MIB1: variants seen among roughly 807,000 people sequenced by gnomAD.
MIB1 encodes the protein MIB E3 ubiquitin protein ligase 1.
In MIB1, 278 loss-of-function variants were observed where a neutral mutation model predicts 124.5. The observed-to-expected ratio is 2.23, with a 90% CI of 2.02 to 2.47. The LOEUF (loss-of-function observed/expected upper bound fraction) is 2.47. MIB1 is among the 30% of genes most tolerant of loss of function. The pLI, the probability that MIB1 is intolerant of heterozygous loss-of-function variation, is 0.00. For missense variants in MIB1, 957 were observed against 1,254.4 expected (o/e 0.76, Z 3.58); for synonymous variants, 446 against 429.4 (o/e 1.04, Z -0.48).
chr18:21,766,416 A>C (rs994134800), intron 2 of MIB1, among the ~76,000 whole-genome samples: 10 of 152,218 alleles, frequency 6.6e-5, no homozygotes, highest in Admixed American at 6.5e-4. Flanking sequence ...GGAAATAATG[A>C]GTCAGTGATT....
At chr18:21,733,114 C>G (rs1056261012) in intron 1 of MIB1, among the ~76,000 whole-genome samples, 1 of 152,128 alleles carries the variant, frequency 6.6e-6, no homozygotes, top group African/African-American at 2.4e-5. Context: ...TGTTCCATCT[C>G]TTTTTGCAGT....
intron 20 of MIB1, among the ~76,000 whole-genome samples, chr18:21,861,102 G>T (rs747384011): frequency 6.6e-5 from 10 of 152,046 alleles, no homozygotes; most frequent in Non-Finnish European, 1.5e-4. Context: ...ACCCCCATCT[G>T]AAGAGATGAA....
intron 12 of MIB1, among the ~76,000 whole-genome samples, chr18:21,836,319 GCTGGAGTGCAGTGGCTCGAT>G (rs2042031942): frequency 6.7e-6 from 1 of 150,176 alleles, no homozygotes; most frequent in Non-Finnish European, 1.5e-5. Flanking sequence ...AGTCGCCTGG[GCTGGAGTGCAGTGGCTCGAT>G]CTCCACTCAC....
rs1308781293 is a variant in MIB1 at position 21,864,581 on chromosome 18, A to G, written c.2936A>G (p.His979Arg). The change falls in exon 21 of 21, where the codon CAC becomes CGC. Residue 979 changes from histidine (H) to arginine (R), a missense_variant. His to Arg is a conservative substitution (Grantham distance 29, BLOSUM62 0). Coordinates refer to ENST00000261537, the MANE Select transcript of MIB1 (RefSeq NM_020774.4). Reference protein sequence around the residue: ...RLKNMIFLCGHGTCQLCGDRM... With the variant: ...RLKNMIFLCGRGTCQLCGDRM... ...AAGAATATGATTTTCCTTTGTGGTCACGGAACCTGTCAACTCTGTGGAGAC... is the reference window on the plus strand; with the variant it reads ...AAGAATATGATTTTCCTTTGTGGTCGCGGAACCTGTCAACTCTGTGGAGAC... 3 of 1,613,698 alleles carry G rather than the reference A, an allele frequency of 1.9e-6. No individual in the cohort carries two copies. Among genetic ancestry groups the G allele is most frequent in the Non-Finnish European group, 1.7e-6 (2 of 1,179,718 alleles).
intron 1 of MIB1, among the ~76,000 whole-genome samples, chr18:21,726,630 G>C (rs568399790): frequency 6.6e-6 from 1 of 152,160 alleles, no homozygotes; most frequent in Non-Finnish European, 1.5e-5. Flanking sequence ...CTGGCTCTAA[G>C]ACTTGCCTAT....
chr18:21,769,807 T>G (rs542973584), intron 3 of MIB1, among the ~76,000 whole-genome samples: 14 of 152,328 alleles, frequency 9.2e-5, no homozygotes, highest in South Asian at 2.1e-4. Context: ...CCTGGTTTTT[T>G]CTGTATTGGC....
intron 10 of MIB1, among the ~76,000 whole-genome samples, chr18:21,810,099 A>G (rs1715852884): frequency 1.3e-5 from 2 of 152,128 alleles, no homozygotes; most frequent in South Asian, 2.1e-4. Flanking sequence ...TAATTGAACA[A>G]TCTGTTAACA....
intron 1 of MIB1, chr18:21,724,363 A>G (rs987854002): frequency 6.6e-6 from 1 of 152,124 alleles, no homozygotes. Context: ...GAAAATCATA[A>G]CATATACATT....
At position 21,715,959 on chromosome 18, in the gene MIB1, A is replaced by G. The variant is rs140496568; in HGVS notation, n.167+10836A>G. Among the ~76,000 whole-genome samples, 1,006 of 152,338 alleles carry G rather than the reference A, an allele frequency of 6.6e-3. 10 individuals are homozygous for G. Among genetic ancestry groups the G allele is most frequent in the African/African-American group, 0.021 (873 of 41,568 alleles). On this transcript the variant is annotated intron_variant and non_coding_transcript_variant, in intron 1 of 20. Coordinates refer to the MIB1 transcript ENST00000578646. ...CATATTTGGGGGAATAATCAAGGAAAACTTCCCTGGCCTTGTTAGTGACCT... is the reference window on the plus strand; with the variant it reads ...CATATTTGGGGGAATAATCAAGGAAGACTTCCCTGGCCTTGTTAGTGACCT...
chr18:21,767,121 A>G (rs2041170563), intron 2 of MIB1, among the ~76,000 whole-genome samples: 1 of 152,168 alleles, frequency 6.6e-6, no homozygotes, highest in African/African-American at 2.4e-5. Flanking sequence ...CCACAGATGT[A>G]TTTTACCGAT....
At chr18:21,847,840 G>A (rs1177320286) in intron 16 of MIB1, among the ~76,000 whole-genome samples, 1 of 152,192 alleles carries the variant, frequency 6.6e-6, no homozygotes, top group Non-Finnish European at 1.5e-5. Context: ...AGATATGTCA[G>A]TGATTTTAAT....
chr18:21,768,542 A>G (rs1470797811), intron 2 of MIB1, 81 bp from the exon 3 acceptor site: 10 of 1,034,246 alleles, frequency 9.7e-6, no homozygotes, highest in African/African-American at 1.6e-5. Flanking sequence ...TCAAAATAAC[A>G]TTTTTATAAT....
intron 1 of MIB1, among the ~76,000 whole-genome samples, chr18:21,712,781 T>G (rs958695668): frequency 6.6e-6 from 1 of 152,162 alleles, no homozygotes; most frequent in Non-Finnish European, 1.5e-5. Flanking sequence ...CCATGGGAAC[T>G]GCTAGATAAG....
At chr18:21,738,857 A>C (rs1439007181), upstream of MIB1, among the ~76,000 whole-genome samples, 2 of 141,992 alleles carry the variant, frequency 1.4e-5, no homozygotes, top group African/African-American at 2.6e-5. Context: ...AAAAAAAAAA[A>C]AAAAAAAAAA....
intron 1 of MIB1, among the ~76,000 whole-genome samples, chr18:21,753,119 T>G (rs1480219838): frequency 6.6e-6 from 1 of 152,166 alleles, no homozygotes; most frequent in African/African-American, 2.4e-5. Flanking sequence ...AGAAAAAGGA[T>G]GAGTAGACTG....
rs771074566 is a variant in MIB1, at chr18:21,779,662, AG to A, written c.886del (p.Val296TyrfsTer71). The A allele has an allele frequency of 6.2e-7, 1 of 1,614,090 alleles. No individual in the cohort carries two copies. The highest frequency in any genetic ancestry group is 8.5e-7 in the Non-Finnish European group (1 of 1,179,908). Reference protein sequence around the residue: ...CGIDEDHDIVVQYPSGNRWTF... With the variant: ...CGIDEDHDIVXQYPSGNRWTF... ...GCATTGATGAAGATCATGACATTGT[AG>A]TACAGTATCCAAGTGGCAATAGGTG... On this transcript the variant is annotated frameshift_variant, in exon 6 of 21. Transcript: ENST00000261537. LOFTEE classifies it high-confidence loss of function.
chr18:21,802,439 CT>C (rs1159943056), intron 9 of MIB1, among the ~76,000 whole-genome samples: 1 of 151,826 alleles, frequency 6.6e-6, no homozygotes, highest in Non-Finnish European at 1.5e-5. Context: ...TTTTCCCACC[CT>C]TTTTCCAAGG....
chr18:21,790,840 A>G (rs868625417), intron 6 of MIB1, among the ~76,000 whole-genome samples: 3 of 152,244 alleles, frequency 2.0e-5, no homozygotes, highest in Non-Finnish European at 4.4e-5. Context: ...AACGTATACC[A>G]AAGTATTTAC....
chr18:21,784,416 A>G (rs1008547977), intron 6 of MIB1, among the ~76,000 whole-genome samples: 1 of 152,178 alleles, frequency 6.6e-6, no homozygotes, highest in Non-Finnish European at 1.5e-5. Context: ...CTTACAAAAA[A>G]CATCTTATAT....
Sources: allele counts gnomAD v4.1 joint callset (sites outside exome capture counted in the v4.1 genomes callset), GRCh38; gene constraint gnomAD v4.1.1; transcripts MANE v1.5; gene names NCBI Gene and HGNC (gene_info 2026-07-23, HGNC 2026-07-21).